DST: variants seen among roughly 807,000 people sequenced by gnomAD.
The protein encoded by DST is bullous pemphigoid antigen.
In DST, 253 loss-of-function variants were observed where a neutral mutation model predicts 875.2. The observed-to-expected ratio is 0.29, with a 90% confidence interval of 0.26 to 0.32. DST has a LOEUF of 0.32. DST is among the 10% of genes least tolerant of loss of function. DST has a pLI of 1.00. For synonymous variants in DST, 3,124 were observed against 3,197.1 expected (o/e 0.98, Z 0.77); for missense variants, 8,287 against 9,111.6 (o/e 0.91, Z 3.68).
rs536624742 is a variant in DST, at chr6:56,616,923, C to T, written c.4930-2439G>A. The T allele has an allele frequency of 2.5e-6, 4 of 1,608,754 alleles. No individual in the cohort carries two copies. The South Asian group carries it at 4.4e-5, about 18-fold the overall frequency. On this transcript the variant is annotated intron_variant, in intron 36 of 103. Transcript: ENST00000680361. Reference sequence around the variant, plus strand: ...GAATATGTCTGACCTGAAATGGGATCAATTATAAAACCTGTTGCAGCCTGA... The same window carrying T: ...GAATATGTCTGACCTGAAATGGGATTAATTATAAAACCTGTTGCAGCCTGA...
chr6:56,680,124 T>A (rs186722071), intron 9 of DST, among the ~76,000 whole-genome samples: 2 of 152,274 alleles, frequency 1.3e-5, no homozygotes, highest in Admixed American at 1.3e-4. Context: ...TCTCTCCCAT[T>A]CTCTTCTTAG....
chr6:56,855,487 A>C (rs986781999), intron 3 of DST, among the ~76,000 whole-genome samples: 5 of 152,214 alleles, frequency 3.3e-5, no homozygotes, highest in African/African-American at 1.2e-4. Context: ...GGGTTAAATC[A>C]AGGAATAAAT....
In DST at chr6:56,573,873, T is replaced by G. The variant is rs748599404; in HGVS notation, c.13042A>C (p.Arg4348=). The change falls in exon 51 of 104, where the codon AGA becomes CGA. Residue 4348 remains arginine, a synonymous_variant. Transcript: ENST00000680361. ...IQKTLDDIVG[R]YEDLSKSVNE... is the part of the protein sequence containing the mutation. ...ACAGACTTGGACAGATCCTCATATC[T>G]CCCAACAATGTCATCTACTCCAAAC... 3.1e-6 allele frequency: 5 copies of G among 1,612,402 alleles called. No individual in the cohort carries two copies. The highest frequency in any genetic ancestry group is 4.2e-6 in the Non-Finnish European group (5 of 1,178,962).
chr6:56,879,366 G>A (rs1780970675), intron 3 of DST, among the ~76,000 whole-genome samples: 1 of 152,128 alleles, frequency 6.6e-6, no homozygotes, highest in Non-Finnish European at 1.5e-5. Flanking sequence ...AGCTACTCAG[G>A]AGGCTGAGGC....
chr6:56,851,626 A>C, intron 3 of DST, 22 bp from the exon 4 acceptor site: 2 of 1,610,020 alleles, frequency 1.2e-6, no homozygotes, highest in Non-Finnish European at 1.7e-6. Flanking sequence ...GACACAGAAA[A>C]AGCATTAACA....
At chr6:56,731,937 T>C (rs2099500534) in intron 5 of DST, among the ~76,000 whole-genome samples, 1 of 152,240 alleles carries the variant, frequency 6.6e-6, no homozygotes, top group Non-Finnish European at 1.5e-5. Flanking sequence ...TATCTAGATA[T>C]TTTAAATGAT....
At chr6:56,684,655 A>C (rs774504738) in intron 9 of DST, among the ~76,000 whole-genome samples, 7 of 152,208 alleles carry the variant, frequency 4.6e-5, no homozygotes, top group Non-Finnish European at 8.8e-5. Context: ...CTTCATGTTT[A>C]GAAAAGAAAT....
rs531288330 is a variant in DST, at chr6:56,796,250, A to G, written c.625+55147T>C. ...GAAAACTAAGCAAAGAAGCAAGACA[A>G]TTATTAACTACAGAGCACAAACAAG... On this transcript the variant is annotated intron_variant, in intron 4 of 103. Coordinates refer to ENST00000680361, the MANE Select transcript of DST (RefSeq NM_001374736.1). Among the ~76,000 whole-genome samples the G allele has an allele frequency of 7.2e-5, 11 of 152,356 alleles. No individual in the cohort carries two copies. The East Asian group carries it at 1.9e-3, about 27-fold the overall frequency.
intron 61 of DST, among the ~76,000 whole-genome samples, chr6:56,547,975 G>A (rs1036315081): frequency 6.6e-6 from 1 of 152,234 alleles, no homozygotes; most frequent in African/African-American, 2.4e-5. Context: ...TACTGGAGAT[G>A]TACTCATTTG....
At chr6:56,703,561 C>A (rs78579493) in intron 7 of DST, 87 bp downstream of exon 7, 193 of 417,636 alleles carry the variant, frequency 4.6e-4, no homozygotes, top group Non-Finnish European at 5.6e-4. Flanking sequence ...TAAAAAGGAG[C>A]CTGAACCCAG....
chr6:56,603,655 G>A lies in DST; in HGVS notation c.10850C>T (p.Thr3617Ile), dbSNP rs893423570. The change falls in exon 41 of 104, where the codon ACA becomes ATA. Residue 3617 changes from threonine (T) to isoleucine (I), a missense_variant. Around this residue, in one of 10 missense-constraint regions of DST, gnomAD observed 3,138 missense variants for 3,116.6 expected, o/e 1.01. Transcript: ENST00000680361. ...QHTEKMHEYLTLLQDMKPPLD... is the reference protein window; with the variant it reads ...QHTEKMHEYLILLQDMKPPLD... Reference sequence around the variant, plus strand: ...GGGGGGTTTCATATCTTGAAGCAATGTCAAATACTCATGCATTTTTTCAGT... The same window carrying A: ...GGGGGGTTTCATATCTTGAAGCAATATCAAATACTCATGCATTTTTTCAGT... 1 of 1,610,630 alleles carries A rather than the reference G, an allele frequency of 6.2e-7. No homozygotes were observed. Among genetic ancestry groups the A allele is most frequent in the Non-Finnish European group, 8.5e-7 (1 of 1,178,632 alleles).
At chr6:56,552,077 T>G in intron 61 of DST, 107 bp downstream of exon 61, 2 of 1,270,218 alleles carry the variant, frequency 1.6e-6, no homozygotes, top group Middle Eastern at 1.9e-4. Context: ...AAATATTGTA[T>G]GACAATCATT....
chr6:56,936,869 G>A (rs1252767290), intron 2 of DST, among the ~76,000 whole-genome samples: 2 of 151,818 alleles, frequency 1.3e-5, no homozygotes, highest in South Asian at 2.1e-4. Context: ...GACTCAAGAA[G>A]AAAAGTAATC....
intron 4 of DST, among the ~76,000 whole-genome samples, chr6:56,757,361 A>T (rs1564026013): frequency 1.3e-5 from 2 of 152,234 alleles, no homozygotes. Flanking sequence ...GTAAATCACA[A>T]CATTCTGAAA....
intron 54 of DST, among the ~76,000 whole-genome samples, 195 bp from the exon 55 acceptor site, chr6:56,568,790 A>G (rs1238567655): frequency 6.6e-6 from 1 of 152,208 alleles, no homozygotes; most frequent in Non-Finnish European, 1.5e-5. Flanking sequence ...TTGGGTATGT[A>G]TGGCCCATTC....
chr6:56,719,852 C>T lies in DST; in HGVS notation c.687+15376G>A, dbSNP rs146574538. ...GACTTTCAAAAGGGGAAGGAGTGTACGATAGGGTGTGGGTCCCAAAGATCA... is the reference window on the plus strand; with the variant it reads ...GACTTTCAAAAGGGGAAGGAGTGTATGATAGGGTGTGGGTCCCAAAGATCA... On this transcript the variant is annotated intron_variant, in intron 5 of 103. Coordinates refer to ENST00000680361, the MANE Select transcript of DST (RefSeq NM_001374736.1). 9.7e-4 allele frequency among the ~76,000 whole-genome samples: 148 copies of T among 152,202 alleles called. 1 individual carries two copies. Among genetic ancestry groups the T allele is most frequent in the African/African-American group, 3.4e-3 (140 of 41,530 alleles).
At chr6:56,703,590 G>T (rs1440795526) in intron 7 of DST, 58 bp downstream of exon 7, 2 of 663,104 alleles carry the variant, frequency 3.0e-6, no homozygotes, top group Non-Finnish European at 3.7e-6. Context: ...TCTCTATCAG[G>T]TTAGCGCTCA....
intron 66 of DST, 27 bp from the exon 67 acceptor site, chr6:56,528,952 T>TG (rs1254302095): frequency 7.6e-6 from 11 of 1,442,594 alleles, no homozygotes; most frequent in Admixed American, 3.9e-5. Flanking sequence ...CATTTTTATG[T>TG]GGGGGGAAAA....
intron 4 of DST, among the ~76,000 whole-genome samples, chr6:56,791,427 T>TA (rs1003617204): frequency 4.6e-5 from 7 of 151,756 alleles, no homozygotes; most frequent in Non-Finnish European, 8.8e-5. Flanking sequence ...GGAGAAGGTT[T>TA]AAAAAAAAGA....
Sources: allele counts gnomAD v4.1 joint callset (sites outside exome capture counted in the v4.1 genomes callset), GRCh38; gene constraint gnomAD v4.1.1; regional missense constraint gnomAD v4.1.1; transcripts MANE v1.5; gene names NCBI Gene and HGNC (gene_info 2026-07-23, HGNC 2026-07-21).